ATG7: variants seen among roughly 807,000 people sequenced by gnomAD.
ATG7 encodes the protein ubiquitin-like modifier-activating enzyme ATG7.
Under a neutral mutation model 82.4 loss-of-function variants are expected in ATG7, and 70 were observed. The ratio of observed to expected loss-of-function variants is 0.85; its 90% confidence interval spans 0.70 to 1.04. ATG7 has a LOEUF of 1.04. Ranked by LOEUF, ATG7 falls within the 50% of genes least tolerant of loss-of-function variation. ATG7 has a pLI of 0.00. For missense variants in ATG7, 792 were observed against 864.3 expected, an observed-to-expected ratio of 0.92 and a Z score of 1.05; for synonymous variants, 287 against 313.0, an observed-to-expected ratio of 0.92 and a Z score of 0.88.
At chr3:11,344,355 T>C (rs185440903) in intron 13 of ATG7, among the ~76,000 whole-genome samples, 106 of 152,334 alleles carry the variant, frequency 7.0e-4, no homozygotes, top group Non-Finnish European at 1.1e-3. Flanking sequence ...GTTTTTATCT[T>C]TAATTTTGAT....
At chr3:11,374,890 CTCAAA>C in intron 18 of ATG7, among the ~76,000 whole-genome samples, 2 of 49,880 alleles carry the variant, frequency 4.0e-5, no homozygotes, top group Non-Finnish European at 3.2e-5. Context: ...GGCAACAGAG[CTCAAA>C]AAAAAAAAAA....
In ATG7 at chr3:11,451,212, C is replaced by CT. The variant is rs34036551; in HGVS notation, c.2079+24304dup. The stretch of plus-strand genomic sequence containing the variant: ...GATAAAATAGAAGTAAAGGTTGACA[C>CT]TTTTTTTTTTTTTTTTTTGAGATCT... On this transcript the variant is annotated intron_variant, in intron 20 of 20. Coordinates refer to ENST00000693202, the MANE Select transcript of ATG7 (RefSeq NM_001349232.2). 1.3e-3 allele frequency among the ~76,000 whole-genome samples: 160 copies of CT among 120,530 alleles called. 1 individual carries two copies. Among genetic ancestry groups the CT allele is most frequent in the Admixed American group, 2.0e-3 (24 of 12,054 alleles). The allele number at this position is 120,530 out of a possible 152,430, so 79.1% of individuals were successfully genotyped here. A position where few individuals can be genotyped will look rare whatever the true frequency, so the allele number is the denominator to read the frequency against.
intron 19 of ATG7, among the ~76,000 whole-genome samples, chr3:11,385,053 C>T (rs773365605): frequency 6.6e-6 from 1 of 150,916 alleles, no homozygotes; most frequent in East Asian, 1.9e-4. Context: ...TGTTTTGGGA[C>T]GGAGTCTTGC....
intron 19 of ATG7, among the ~76,000 whole-genome samples, chr3:11,384,838 G>A (rs1324974741): frequency 6.6e-6 from 1 of 151,934 alleles, no homozygotes; most frequent in Non-Finnish European, 1.5e-5. Flanking sequence ...GCCTATGCCT[G>A]TAGTCCCAGC....
At chr3:11,288,096 T>C (rs1476105623) in intron 3 of ATG7, among the ~76,000 whole-genome samples, 1 of 152,224 alleles carries the variant, frequency 6.6e-6, no homozygotes, top group Admixed American at 6.5e-5. Flanking sequence ...CTGGCCTTCT[T>C]CAGGAAAAGC....
In ATG7 at chr3:11,414,003, T is replaced by C. The variant is rs531017127; in HGVS notation, c.1957-12801T>C. Among the ~76,000 whole-genome samples, 3 of 152,328 alleles carry C rather than the reference T, an allele frequency of 2.0e-5. No homozygotes were observed. In the South Asian group the frequency reaches 6.2e-4, roughly 32 times the overall value. ...GTCTGTTTCATCTAGGTTATGGTATTAGGTTTGTAATTTCAAATTCCACTT... is the reference window on the plus strand; with the variant it reads ...GTCTGTTTCATCTAGGTTATGGTATCAGGTTTGTAATTTCAAATTCCACTT... On this transcript the variant is annotated intron_variant, in intron 19 of 20. Transcript: ENST00000693202.
chr3:11,391,761 C>G (rs1227414827), intron 19 of ATG7, among the ~76,000 whole-genome samples: 1 of 152,152 alleles, frequency 6.6e-6, no homozygotes, highest in Non-Finnish European at 1.5e-5. Flanking sequence ...GATGTTTTCC[C>G]AGTATCCCTT....
At chr3:11,569,401 G>C in the ATG7 span, among the ~76,000 whole-genome samples, 3 of 152,336 alleles carry the variant, frequency 2.0e-5, no homozygotes, top group African/African-American at 7.2e-5. Context: ...CCCAGTGAAA[G>C]AGATGAGGCC....
At chr3:11,550,673 T>C (rs1262370251) in intron 20 of ATG7, among the ~76,000 whole-genome samples, 1 of 152,118 alleles carries the variant, frequency 6.6e-6, no homozygotes, top group African/African-American at 2.4e-5. Context: ...GCTGGGATTA[T>C]AGGCATGCCT....
chr3:11,380,058 T>G lies in ATG7; in HGVS notation c.1956+6T>G. The G allele has an allele frequency of 6.2e-7, 1 of 1,612,400 alleles. No homozygotes were observed. Among genetic ancestry groups the G allele is most frequent in the Non-Finnish European group, 8.5e-7 (1 of 1,178,380 alleles). On this transcript the variant is annotated splice_donor_region_variant and intron_variant, in intron 19 of 20. Transcript: ENST00000693202. ...GTACAGCTTGTTCTTCCAAAGTAAG[T>G]CATTTTGTATTGGAGGGACTTGTTT...
Position 11,303,555 on chromosome 3 carries a change from CT to C in ATG7, c.216-3387del, listed in dbSNP as rs1217183576. 2.6e-5 allele frequency among the ~76,000 whole-genome samples: 4 copies of C among 151,564 alleles called. No homozygotes were observed. In the East Asian group the frequency reaches 7.9e-4, roughly 30 times the overall value. ...GTGGTGCCGGCGCCTGTAGTCCCAG[CT>C]GCTTGAGAGGCTGAGGCAGGAGAAT... On this transcript the variant is annotated intron_variant, in intron 5 of 20. Transcript: ENST00000693202.
At chr3:11,297,320 T>C (rs1946092414) in intron 3 of ATG7, among the ~76,000 whole-genome samples, 1 of 152,220 alleles carries the variant, frequency 6.6e-6, no homozygotes, top group Non-Finnish European at 1.5e-5. Context: ...ATTGTGCCAC[T>C]GTACTGTAGC....
rs370189607 is a variant in ATG7, at chr3:11,504,500, A to G, written c.2080-50311A>G. On this transcript the variant is annotated intron_variant, in intron 20 of 20. Coordinates refer to ENST00000693202, the MANE Select transcript of ATG7 (RefSeq NM_001349232.2). ...GGAGAGATTGAAAGGCATCCTCAAA[A>G]CAGTAGCGAAGGGAAGCCTGGGGTG... Among the ~76,000 whole-genome samples, 16 of 152,330 alleles carry G rather than the reference A, an allele frequency of 1.1e-4. No homozygotes were observed. The South Asian group carries it at 3.1e-3, about 30-fold the overall frequency.
intron 20 of ATG7, among the ~76,000 whole-genome samples, chr3:11,474,097 A>G (rs1404254860): frequency 6.6e-6 from 1 of 152,220 alleles, no homozygotes; most frequent in Non-Finnish European, 1.5e-5. Context: ...TAGTAAGCCA[A>G]GTGCCACCAC....
At chr3:11,287,270 A>C (rs1022536662) in intron 3 of ATG7, among the ~76,000 whole-genome samples, 2 of 152,198 alleles carry the variant, frequency 1.3e-5, no homozygotes, top group Non-Finnish European at 2.9e-5. Flanking sequence ...TATAGCTGCC[A>C]GGGGAGGAGT....
At position 11,515,157 on chromosome 3, in the gene ATG7, G is replaced by T. The variant is rs147781996; in HGVS notation, c.2080-39654G>T. On this transcript the variant is annotated intron_variant, in intron 20 of 20. Coordinates refer to ENST00000693202, the MANE Select transcript of ATG7 (RefSeq NM_001349232.2). ...CCTGGCCTAGGTTTTAAAATGCTTCGTTCCTGAGAAGATCTGATAGAAGTT... is the reference window on the plus strand; with the variant it reads ...CCTGGCCTAGGTTTTAAAATGCTTCTTTCCTGAGAAGATCTGATAGAAGTT... 5.4e-3 allele frequency among the ~76,000 whole-genome samples: 820 copies of T among 152,052 alleles called. 27 individuals are homozygous for T. Among genetic ancestry groups the T allele is most frequent in the Admixed American group, 0.038 (577 of 15,266 alleles).
chr3:11,511,857 C>T (rs2092080125), intron 20 of ATG7, among the ~76,000 whole-genome samples: 1 of 152,212 alleles, frequency 6.6e-6, no homozygotes, highest in African/African-American at 2.4e-5. Context: ...TCCCCCACTG[C>T]CTGGGGCCAG....
rs1289201840 is a variant in ATG7, at chr3:11,342,268, A to G, written c.1114A>G (p.Arg372Gly). The G allele has an allele frequency of 6.2e-7, 1 of 1,612,828 alleles. No homozygotes were observed. The change falls in exon 13 of 21, where the codon AGG (arginine) becomes GGG (glycine). Residue 372 changes from arginine to glycine, a missense_variant. By Grantham distance (125) the Arg-to-Gly change is moderately radical (BLOSUM62 -2). Transcript: ENST00000693202. ...GAGTLGCNVA[R>G]TLMGWGVRHI... is the part of the protein sequence containing the mutation. The stretch of plus-strand genomic sequence containing the variant: ...CGGCACCTTGGGTTGCAATGTAGCT[A>G]GGACGTTGATGGTAAGTCGGAGGTG...
chr3:11,417,442 C>A (rs1421458287), intron 19 of ATG7, among the ~76,000 whole-genome samples: 3 of 152,148 alleles, frequency 2.0e-5, no homozygotes, highest in African/African-American at 7.2e-5. Flanking sequence ...TATCTAATAA[C>A]ATTATTTGCT....
Sources: gnomAD v4.1 joint callset for allele counts (sites outside exome capture counted in the v4.1 genomes callset) on GRCh38, gnomAD v4.1.1 for gene constraint, MANE v1.5 for transcripts, NCBI Gene and HGNC (gene_info 2026-07-23, HGNC 2026-07-21) for gene names.